Variants in ROBO1 observed in about 807,000 individuals in gnomAD.
The protein encoded by ROBO1 is roundabout guidance receptor 1.
ROBO1 carries 149 observed loss-of-function variants against 195.9 expected under a neutral mutation model. The ratio of observed to expected loss-of-function variants is 0.76; its 90% CI spans 0.67 to 0.87. The LOEUF is 0.87. Among genes scored for constraint, ROBO1 ranks in the 40% least tolerant of loss-of-function variants. ROBO1 has a pLI of 0.00. For synonymous variants in ROBO1, 816 were observed against 733.2 expected (o/e 1.11, Z -1.82); for missense variants, 1,933 against 2,068.3 (o/e 0.93, Z 1.27).
intron 1 of ROBO1, among the ~76,000 whole-genome samples, chr3:79,757,537 G>A (rs1057217719): frequency 6.8e-6 from 1 of 146,426 alleles, no homozygotes; most frequent in East Asian, 2.0e-4. Flanking sequence ...TCCTAGGCTG[G>A]GCAGAGTGAT....
At chr3:79,411,867 T>A (rs994732282) in intron 2 of ROBO1, among the ~76,000 whole-genome samples, 1 of 152,120 alleles carries the variant, frequency 6.6e-6, no homozygotes, top group Non-Finnish European at 1.5e-5. Context: ...CATTCCTAAA[T>A]ATAATGAAGA....
intron 4 of ROBO1, among the ~76,000 whole-genome samples, chr3:78,894,632 C>A (rs2037122695): frequency 6.6e-6 from 1 of 152,024 alleles, no homozygotes; most frequent in Non-Finnish European, 1.5e-5. Flanking sequence ...TACTGAAAAA[C>A]CAATTAGGTT....
intron 4 of ROBO1, among the ~76,000 whole-genome samples, chr3:78,885,696 A>G (rs1175178115): frequency 6.6e-6 from 1 of 151,104 alleles, no homozygotes; most frequent in African/African-American, 2.4e-5. Flanking sequence ...ACTGTATATT[A>G]GTAAATGTGA....
At chr3:79,746,220 T>C (rs145823167) in intron 1 of ROBO1, among the ~76,000 whole-genome samples, 1 of 152,106 alleles carries the variant, frequency 6.6e-6, no homozygotes, top group Non-Finnish European at 1.5e-5. Context: ...CATTTCTGTG[T>C]ACCATAGATG....
At chr3:79,042,296 C>T (rs2078502190) in intron 3 of ROBO1, among the ~76,000 whole-genome samples, 1 of 152,062 alleles carries the variant, frequency 6.6e-6, no homozygotes, top group African/African-American at 2.4e-5. Flanking sequence ...TATAATGCAA[C>T]CTCTCACACA....
intron 2 of ROBO1, among the ~76,000 whole-genome samples, chr3:79,157,707 A>T (rs577913062): frequency 2.6e-5 from 4 of 152,068 alleles, no homozygotes; most frequent in Middle Eastern, 3.4e-3. Flanking sequence ...TAGCTGAAGA[A>T]GTAATATGTG....
intron 2 of ROBO1, among the ~76,000 whole-genome samples, chr3:79,327,472 C>G (rs114459813): frequency 0.011 from 1,664 of 152,122 alleles, 12 homozygotes; most frequent in Middle Eastern, 0.041. Context: ...TTATTTTAAA[C>G]TTAAACAGAC....
intron 2 of ROBO1, among the ~76,000 whole-genome samples, chr3:79,195,393 T>C (rs2081615255): frequency 6.6e-6 from 1 of 151,580 alleles, no homozygotes; most frequent in Admixed American, 6.6e-5. Flanking sequence ...AACCAGAAAC[T>C]TTAAGTGGCA....
At chr3:79,431,439 C>T (rs929906972) in intron 2 of ROBO1, among the ~76,000 whole-genome samples, 1 of 152,032 alleles carries the variant, frequency 6.6e-6, no homozygotes, top group African/African-American at 2.4e-5. Context: ...TACTGTATTC[C>T]ATGTATACCA....
At chr3:78,937,390 T>C (rs994147886) in intron 4 of ROBO1, among the ~76,000 whole-genome samples, 2 of 151,924 alleles carry the variant, frequency 1.3e-5, no homozygotes, top group Non-Finnish European at 2.9e-5. Flanking sequence ...ATCAATTATC[T>C]TGGAAAAACA....
At chr3:79,002,978 G>A (rs568150298) in intron 3 of ROBO1, among the ~76,000 whole-genome samples, 1 of 152,150 alleles carries the variant, frequency 6.6e-6, no homozygotes, top group South Asian at 2.1e-4. Context: ...ATTCCCCAAT[G>A]CTAAAGAGCT....
chr3:79,491,919 T>C (rs530970963), intron 2 of ROBO1, among the ~76,000 whole-genome samples: 104 of 152,200 alleles, frequency 6.8e-4, no homozygotes, highest in African/African-American at 2.2e-3. Context: ...CCAAATGCCT[T>C]GTTATAAGGC....
intron 3 of ROBO1, among the ~76,000 whole-genome samples, chr3:78,951,301 T>C (rs2040771453): frequency 2.0e-5 from 3 of 151,914 alleles, no homozygotes; most frequent in Admixed American, 6.6e-5. Context: ...TACATATATA[T>C]AATATTCGAC....
chr3:79,369,818 AGT>A (rs2036123187), intron 2 of ROBO1, among the ~76,000 whole-genome samples: 1 of 152,198 alleles, frequency 6.6e-6, no homozygotes, highest in Non-Finnish European at 1.5e-5. Context: ...AGTACGTTCA[AGT>A]AAAACTGATT....
intron 2 of ROBO1, among the ~76,000 whole-genome samples, chr3:79,199,255 G>A (rs2081712125): frequency 6.6e-6 from 1 of 151,750 alleles, no homozygotes; most frequent in African/African-American, 2.4e-5. Flanking sequence ...TTAAAGCATT[G>A]AGATATTACA....
chr3:79,761,806 C>T (rs1164089658), intron 1 of ROBO1, among the ~76,000 whole-genome samples: 2 of 152,210 alleles, frequency 1.3e-5, no homozygotes, highest in East Asian at 3.9e-4. Flanking sequence ...ATGGCTCCTC[C>T]CCCAAATGCT....
intron 1 of ROBO1, among the ~76,000 whole-genome samples, chr3:79,695,675 GAGCC>G (rs1947424257): frequency 6.6e-6 from 1 of 151,392 alleles, no homozygotes; most frequent in Non-Finnish European, 1.5e-5. Context: ...AAGGAATTAA[GAGCC>G]TATTAACAAA....
intron 2 of ROBO1, among the ~76,000 whole-genome samples, chr3:79,278,056 C>T (rs2031194672): frequency 2.0e-5 from 3 of 151,792 alleles, no homozygotes; most frequent in South Asian, 2.1e-4. Context: ...TAAGACAATC[C>T]TATTTACAAT....
At chr3:79,100,504 A>G (rs1157413251) in intron 3 of ROBO1, among the ~76,000 whole-genome samples, 3 of 151,754 alleles carry the variant, frequency 2.0e-5, no homozygotes, top group African/African-American at 7.3e-5. Flanking sequence ...CCAGCCCAAG[A>G]GCACGGGAAT....
Sources: gnomAD v4.1 joint callset for allele counts (sites outside exome capture counted in the v4.1 genomes callset) on GRCh38, gnomAD v4.1.1 for gene constraint, MANE v1.5 for transcripts, NCBI Gene and HGNC (gene_info 2026-07-23, HGNC 2026-07-21) for gene names.